Variants in STXBP6 observed in about 807,000 individuals in gnomAD.
STXBP6 encodes syntaxin-binding protein 6.
In STXBP6, 21 loss-of-function variants were observed where a neutral mutation model predicts 26.9. The ratio of observed to expected loss-of-function variants is 0.78; its 90% CI spans 0.55 to 1.12. The LOEUF (loss-of-function observed/expected upper bound fraction) is 1.12. Among genes scored for constraint, STXBP6 ranks in the 50% most tolerant of loss-of-function variants. STXBP6 has a pLI of 0.00. For missense variants in STXBP6, 232 were observed against 257.9 expected, an observed-to-expected ratio of 0.90 and a Z score of 0.69; for synonymous variants, 97 against 92.6, an observed-to-expected ratio of 1.05 and a Z score of -0.27.
At chr14:24,958,538 G>C (rs2073416991) in intron 2 of STXBP6, among the ~76,000 whole-genome samples, 1 of 152,076 alleles carries the variant, frequency 6.6e-6, no homozygotes, top group South Asian at 2.1e-4. Flanking sequence ...AAAAATATTG[G>C]CAACAAGATT....
chr14:25,032,181 G>A (rs928513557), intron 1 of STXBP6, among the ~76,000 whole-genome samples: 7 of 152,282 alleles, frequency 4.6e-5, no homozygotes, highest in African/African-American at 1.7e-4. Flanking sequence ...ACACCGCGAA[G>A]GCATTCTATT....
At chr14:25,033,138 G>C (rs1346790544) in intron 1 of STXBP6, among the ~76,000 whole-genome samples, 1 of 152,112 alleles carries the variant, frequency 6.6e-6, no homozygotes, top group Non-Finnish European at 1.5e-5. Flanking sequence ...GTCTACCTGG[G>C]GAGGCATGAC....
intron 2 of STXBP6, among the ~76,000 whole-genome samples, chr14:24,898,625 C>T (rs1342690913): frequency 1.3e-5 from 2 of 151,860 alleles, no homozygotes; most frequent in African/African-American, 4.8e-5. Context: ...TGCAGTGAGC[C>T]GAGATTGCAC....
At chr14:25,027,482 C>T (rs911547466) in intron 1 of STXBP6, among the ~76,000 whole-genome samples, 40 of 152,308 alleles carry the variant, frequency 2.6e-4, no homozygotes, top group South Asian at 2.1e-3. Flanking sequence ...AGCCCTGTCC[C>T]GGTCTCTATC....
At chr14:24,969,059 T>C (rs2073822786) in intron 2 of STXBP6, among the ~76,000 whole-genome samples, 1 of 152,200 alleles carries the variant, frequency 6.6e-6, no homozygotes. Flanking sequence ...AGGGCAGTAT[T>C]GGCAGGTTCT....
At position 24,873,141 on chromosome 14, in the gene STXBP6, A is replaced by C. The variant is rs145837805; in HGVS notation, c.155-15984T>G. On this transcript the variant is annotated intron_variant, in intron 2 of 5. Coordinates refer to ENST00000323944, the MANE Select transcript of STXBP6 (RefSeq NM_001394410.1). ...CAGCCAAATTCATCATGAATTTATAAAAAATTCTAAATTCAGAACGCATAA... is the reference window on the plus strand; with the variant it reads ...CAGCCAAATTCATCATGAATTTATACAAAATTCTAAATTCAGAACGCATAA... Among the ~76,000 whole-genome samples, 39 of 152,320 alleles carry C rather than the reference A, an allele frequency of 2.6e-4. No individual in the cohort carries two copies. In the East Asian group the frequency reaches 5.0e-3, roughly 20 times the overall value.
intron 2 of STXBP6, among the ~76,000 whole-genome samples, chr14:24,896,484 T>C (rs1442474666): frequency 6.6e-6 from 1 of 151,960 alleles, no homozygotes; most frequent in African/African-American, 2.4e-5. Flanking sequence ...TGAAAATGAG[T>C]CTCTTGAGAA....
intron 2 of STXBP6, among the ~76,000 whole-genome samples, chr14:24,895,938 C>G (rs1455292836): frequency 6.6e-6 from 1 of 152,214 alleles, no homozygotes; most frequent in African/African-American, 2.4e-5. Context: ...GCACACAGAA[C>G]TCACTGAACA....
At chr14:24,893,523 G>A (rs1262995818) in intron 2 of STXBP6, among the ~76,000 whole-genome samples, 1 of 152,192 alleles carries the variant, frequency 6.6e-6, no homozygotes, top group African/African-American at 2.4e-5. Flanking sequence ...GCACTTAAGA[G>A]TGTTAGGTAA....
intron 1 of STXBP6, among the ~76,000 whole-genome samples, chr14:25,032,456 T>C (rs1167017001): frequency 3.3e-5 from 5 of 152,162 alleles, no homozygotes; most frequent in Non-Finnish European, 7.3e-5. Flanking sequence ...TCTCCCCCAG[T>C]CCTCAGTCAC....
At chr14:24,970,372 A>G (rs2073870021) in intron 2 of STXBP6, among the ~76,000 whole-genome samples, 1 of 152,214 alleles carries the variant, frequency 6.6e-6, no homozygotes, top group African/African-American at 2.4e-5. Flanking sequence ...AACAAACAGA[A>G]CACCTAACAT....
intron 2 of STXBP6, among the ~76,000 whole-genome samples, chr14:24,965,767 T>C (rs937399214): frequency 2.0e-5 from 3 of 152,182 alleles, no homozygotes; most frequent in African/African-American, 7.2e-5. Context: ...ATAACTGGGG[T>C]GGGAATTCTT....
intron 2 of STXBP6, among the ~76,000 whole-genome samples, chr14:24,902,438 A>G (rs1234921622): frequency 2.0e-5 from 3 of 152,174 alleles, no homozygotes; most frequent in Non-Finnish European, 4.4e-5. Flanking sequence ...CATATGTTGA[A>G]AGCAGTAATC....
At chr14:24,986,774 C>A (rs1329941940) in intron 1 of STXBP6, among the ~76,000 whole-genome samples, 3 of 152,200 alleles carry the variant, frequency 2.0e-5, no homozygotes, top group Non-Finnish European at 4.4e-5. Context: ...ACTGGAGAGT[C>A]TTTACAGGTT....
chr14:24,888,939 C>T (rs1220170096), intron 2 of STXBP6, among the ~76,000 whole-genome samples: 11 of 151,980 alleles, frequency 7.2e-5, no homozygotes, highest in Non-Finnish European at 1.6e-4. Context: ...GCCCCTTTTC[C>T]TCTTTTTGTA....
intron 2 of STXBP6, among the ~76,000 whole-genome samples, chr14:24,868,827 A>T (rs898363291): frequency 2.2e-4 from 34 of 152,046 alleles, no homozygotes; most frequent in African/African-American, 8.0e-4. Context: ...AGTCTAACCC[A>T]CTCTTCATTG....
chr14:24,886,105 C>A (rs1207865016), intron 2 of STXBP6, among the ~76,000 whole-genome samples: 1 of 152,190 alleles, frequency 6.6e-6, no homozygotes, highest in Non-Finnish European at 1.5e-5. Context: ...CAGGGCAGGA[C>A]ACTCCGACAA....
At chr14:24,968,958 C>T (rs905537355) in intron 2 of STXBP6, among the ~76,000 whole-genome samples, 2 of 152,150 alleles carry the variant, frequency 1.3e-5, no homozygotes, top group African/African-American at 4.8e-5. Context: ...CCACCAGCCC[C>T]CCGTGCTGCA....
chr14:24,846,797 T>C (rs955424485), intron 4 of STXBP6, among the ~76,000 whole-genome samples: 2 of 152,196 alleles, frequency 1.3e-5, no homozygotes, highest in African/African-American at 4.8e-5. Context: ...TTTAAATCAA[T>C]GTCCAATTTT....
Sources: gnomAD v4.1 joint callset for allele counts (sites outside exome capture counted in the v4.1 genomes callset) on GRCh38, gnomAD v4.1.1 for gene constraint, MANE v1.5 for transcripts, NCBI Gene and HGNC (gene_info 2026-07-23, HGNC 2026-07-21) for gene names.